Variants in SPHKAP observed in about 807,000 individuals in gnomAD.
The protein encoded by SPHKAP is A-kinase anchor protein SPHKAP.
In SPHKAP, 67 loss-of-function variants were observed where a neutral mutation model predicts 137.5. That is an observed-to-expected ratio of 0.49 (90% CI 0.40 to 0.60). The LOEUF (loss-of-function observed/expected upper bound fraction) is 0.60, where lower values mean the gene tolerates loss of function less well. SPHKAP is among the 20% of genes least tolerant of loss of function. The pLI is 0.00. For synonymous variants in SPHKAP, 813 were observed against 785.3 expected, an observed-to-expected ratio of 1.04 and a Z score of -0.59; for missense variants, 2,097 against 2,069.3, an observed-to-expected ratio of 1.01 and a Z score of -0.26.
intron 3 of SPHKAP, among the ~76,000 whole-genome samples, chr2:228,097,786 T>C (rs1369283685): frequency 6.6e-6 from 1 of 152,202 alleles, no homozygotes; most frequent in Non-Finnish European, 1.5e-5. Flanking sequence ...GGCCTCCAGC[T>C]ATATCTGTAT....
chr2:228,081,326 T>C (rs1418580005), intron 3 of SPHKAP, among the ~76,000 whole-genome samples: 1 of 152,210 alleles, frequency 6.6e-6, no homozygotes, highest in East Asian at 1.9e-4. Flanking sequence ...AAAATCATCT[T>C]TGGAGAAAGG....
At chr2:228,180,384 C>A (rs1056344875) in intron 1 of SPHKAP, among the ~76,000 whole-genome samples, 1 of 152,148 alleles carries the variant, frequency 6.6e-6, no homozygotes, top group Non-Finnish European at 1.5e-5. Flanking sequence ...CCGCCACCCC[C>A]ACCTCCCCTC....
intron 3 of SPHKAP, among the ~76,000 whole-genome samples, chr2:228,035,562 C>T (rs564942885): frequency 3.9e-4 from 59 of 152,286 alleles, no homozygotes; most frequent in Non-Finnish European, 5.7e-4. Flanking sequence ...AAAAAAGAGC[C>T]TGTATCGCCA....
Position 228,100,767 on chromosome 2 carries a change from G to A in SPHKAP, c.246+8065C>T, listed in dbSNP as rs1270891516. 2.0e-5 allele frequency among the ~76,000 whole-genome samples: 3 copies of A among 152,150 alleles called. No homozygotes were observed. The East Asian group carries it at 5.8e-4, about 29-fold the overall frequency. On this transcript the variant is annotated intron_variant, in intron 3 of 11. Transcript: ENST00000392056. ...GCTAATATTTTATTGGGGTTTTTTT[G>A]CATCTATGTTTATCAGCGATGTTGG...
At chr2:228,015,836 T>C (rs1228212850) in intron 7 of SPHKAP, among the ~76,000 whole-genome samples, 4 of 152,064 alleles carry the variant, frequency 2.6e-5, no homozygotes, top group Admixed American at 6.6e-5. Flanking sequence ...AGAGACTCTA[T>C]GGAGAAGAAA....
intron 3 of SPHKAP, among the ~76,000 whole-genome samples, chr2:228,036,145 C>T (rs1289158313): frequency 1.3e-5 from 2 of 149,546 alleles, no homozygotes; most frequent in Non-Finnish European, 3.0e-5. Context: ...TGACAAAGGG[C>T]TAATATCCAG....
intron 3 of SPHKAP, among the ~76,000 whole-genome samples, chr2:228,071,961 TGTGA>T (rs1443799053): frequency 1.3e-5 from 2 of 152,246 alleles, no homozygotes; most frequent in Non-Finnish European, 2.9e-5. Context: ...TATCTGTGTC[TGTGA>T]GTATTTCTGG....
chr2:228,094,219 G>A (rs1057228305), intron 3 of SPHKAP, among the ~76,000 whole-genome samples: 1 of 152,086 alleles, frequency 6.6e-6, no homozygotes, highest in Non-Finnish European at 1.5e-5. Context: ...GGAACCAACC[G>A]GAATATTTTA....
intron 1 of SPHKAP, among the ~76,000 whole-genome samples, chr2:228,140,764 G>A (rs1184840464): frequency 6.6e-6 from 1 of 152,082 alleles, no homozygotes; most frequent in Non-Finnish European, 1.5e-5. Flanking sequence ...AATAGTGACT[G>A]ACTTTTCGTG....
intron 2 of SPHKAP, among the ~76,000 whole-genome samples, chr2:228,129,922 G>A (rs565778029): frequency 2.4e-4 from 36 of 151,034 alleles, no homozygotes; most frequent in Admixed American, 4.6e-4. Flanking sequence ...TCAACCGCCC[G>A]AGTAGCTGGG....
At chr2:228,088,012 T>C (rs1697592670) in intron 3 of SPHKAP, among the ~76,000 whole-genome samples, 1 of 152,218 alleles carries the variant, frequency 6.6e-6, no homozygotes, top group Middle Eastern at 3.2e-3. Flanking sequence ...ACATTTCTAT[T>C]GTACATTTCA....
At chr2:228,160,072 G>A (rs1465530498) in intron 1 of SPHKAP, among the ~76,000 whole-genome samples, 1 of 152,164 alleles carries the variant, frequency 6.6e-6, no homozygotes, top group Non-Finnish European at 1.5e-5. Flanking sequence ...ACAGAAATCA[G>A]CCAAAATACA....
rs994897083 is a variant in SPHKAP, at chr2:228,158,292, A to G, written c.32+23275T>C. ...GGCTGTGTGGAAATACAATACACAT[A>G]TATAAGATAATTGTAATTGTAATTT... On this transcript the variant is annotated intron_variant, in intron 1 of 11. Transcript: ENST00000392056. Among the ~76,000 whole-genome samples, 3 of 150,746 alleles carry G rather than the reference A, an allele frequency of 2.0e-5. No homozygotes were observed. In the East Asian group the frequency reaches 5.9e-4, roughly 30 times the overall value.
chr2:228,039,104 C>T (rs1391935333), intron 3 of SPHKAP, among the ~76,000 whole-genome samples: 1 of 152,232 alleles, frequency 6.6e-6, no homozygotes, highest in Non-Finnish European at 1.5e-5. Context: ...GCTCCTTTCT[C>T]TTCACATAAA....
At chr2:228,124,920 A>C (rs190219000) in intron 2 of SPHKAP, among the ~76,000 whole-genome samples, 2 of 152,304 alleles carry the variant, frequency 1.3e-5, no homozygotes, top group Non-Finnish European at 1.5e-5. Flanking sequence ...GTCATTCTTC[A>C]GGTATATCTT....
At chr2:228,005,112 T>G (rs1694076817) in intron 7 of SPHKAP, among the ~76,000 whole-genome samples, 1 of 152,212 alleles carries the variant, frequency 6.6e-6, no homozygotes, top group Non-Finnish European at 1.5e-5. Context: ...ATATCCTTGT[T>G]AACTTTCTGT....
chr2:228,125,644 T>A (rs4450589), intron 2 of SPHKAP, among the ~76,000 whole-genome samples: 1 of 152,022 alleles, frequency 6.6e-6, no homozygotes, highest in Non-Finnish European at 1.5e-5. Flanking sequence ...AGTTTTTTTA[T>A]TTATTATAAA....
intron 3 of SPHKAP, among the ~76,000 whole-genome samples, chr2:228,106,162 A>G (rs1221362893): frequency 1.3e-5 from 2 of 152,204 alleles, no homozygotes; most frequent in African/African-American, 4.8e-5. Flanking sequence ...AACCCTCTCA[A>G]TATTTTCCAA....
intron 1 of SPHKAP, among the ~76,000 whole-genome samples, chr2:228,137,823 G>A (rs759832722): frequency 6.6e-6 from 1 of 152,262 alleles, no homozygotes; most frequent in Middle Eastern, 3.4e-3. Flanking sequence ...CAAAATGAAA[G>A]TTTTCTCAAG....
Sources: gnomAD v4.1 joint callset for allele counts (sites outside exome capture counted in the v4.1 genomes callset) on GRCh38, gnomAD v4.1.1 for gene constraint, MANE v1.5 for transcripts, NCBI Gene and HGNC (gene_info 2026-07-23, HGNC 2026-07-21) for gene names.